The following RBFOX1 variants were observed in gnomAD, a reference collection of about 807,000 sequenced individuals.
RBFOX1 encodes the protein RNA binding fox-1 homolog 1.
Under a neutral mutation model 57.7 loss-of-function variants are expected in RBFOX1, and 8 were observed. The ratio of observed to expected loss-of-function variants is 0.14; its 90% CI spans 0.08 to 0.25. RBFOX1 has a LOEUF of 0.25. Among genes scored for constraint, RBFOX1 ranks in the 10% least tolerant of loss-of-function variants. RBFOX1 has a pLI of 1.00. For synonymous variants in RBFOX1, 326 were observed against 222.4 expected, an observed-to-expected ratio of 1.47 and a Z score of -4.15; for missense variants, 611 against 548.5, an observed-to-expected ratio of 1.11 and a Z score of -1.14.
At chr16:5,737,888 A>G (rs1264621181) in intron 3 of RBFOX1, among the ~76,000 whole-genome samples, 4 of 152,002 alleles carry the variant, frequency 2.6e-5, no homozygotes, top group African/African-American at 9.7e-5. Flanking sequence ...TTAAGTTCTG[A>G]GACACATGTG....
chr16:5,915,106 A>G (rs1162102377), intron 4 of RBFOX1, among the ~76,000 whole-genome samples: 1 of 152,142 alleles, frequency 6.6e-6, no homozygotes, highest in Non-Finnish European at 1.5e-5. Context: ...ACCACTGTGG[A>G]TATTTTAGAG....
At chr16:7,035,477 CT>C (rs1374627122) in intron 3 of RBFOX1, among the ~76,000 whole-genome samples, 3 of 152,198 alleles carry the variant, frequency 2.0e-5, no homozygotes, top group African/African-American at 7.2e-5. Flanking sequence ...AAGACTTCCC[CT>C]GGGATTATTT....
chr16:6,616,866 C>T (rs2098149762), intron 2 of RBFOX1, among the ~76,000 whole-genome samples: 1 of 152,186 alleles, frequency 6.6e-6, no homozygotes, highest in Non-Finnish European at 1.5e-5. Flanking sequence ...CCACCTCTAG[C>T]CTCTGTCTGT....
At chr16:6,191,292 C>A (rs2097140261) in intron 1 of RBFOX1, among the ~76,000 whole-genome samples, 1 of 151,952 alleles carries the variant, frequency 6.6e-6, no homozygotes, top group East Asian at 1.9e-4. Context: ...TGTCATAGTG[C>A]CTGTGATTAT....
chr16:6,911,263 G>C (rs1052435899), intron 3 of RBFOX1, among the ~76,000 whole-genome samples: 1 of 151,502 alleles, frequency 6.6e-6, no homozygotes, highest in African/African-American at 2.4e-5. Flanking sequence ...AGTTTCCCAG[G>C]ACTGCTATAA....
chr16:6,757,447 G>A (rs1191894021), intron 3 of RBFOX1, among the ~76,000 whole-genome samples: 4 of 152,148 alleles, frequency 2.6e-5, no homozygotes, highest in African/African-American at 7.2e-5. Flanking sequence ...ATGCACAACA[G>A]AATACTATTC....
chr16:6,456,520 G>C (rs1048857873), intron 2 of RBFOX1, among the ~76,000 whole-genome samples: 2 of 152,192 alleles, frequency 1.3e-5, no homozygotes, highest in Non-Finnish European at 2.9e-5. Flanking sequence ...TTAGGGCCCT[G>C]TTAAGGCAAG....
At chr16:6,794,656 C>T (rs1214077061) in intron 3 of RBFOX1, among the ~76,000 whole-genome samples, 2 of 152,128 alleles carry the variant, frequency 1.3e-5, no homozygotes, top group East Asian at 1.9e-4. Context: ...GAAACCAAAC[C>T]CTTCCCCCCA....
At chr16:6,989,668 C>G in intron 3 of RBFOX1, among the ~76,000 whole-genome samples, 1 of 152,128 alleles carries the variant, frequency 6.6e-6, no homozygotes, top group Non-Finnish European at 1.5e-5. Context: ...ACAGAAGCTA[C>G]TTGGAACAGA....
chr16:5,676,283 C>A (rs1006800322), intron 3 of RBFOX1, among the ~76,000 whole-genome samples: 1 of 151,902 alleles, frequency 6.6e-6, no homozygotes, highest in Non-Finnish European at 1.5e-5. Flanking sequence ...AACATCACAC[C>A]TTTTTACCCA....
intron 3 of RBFOX1, among the ~76,000 whole-genome samples, chr16:5,720,456 A>G (rs1369627611): frequency 6.6e-6 from 1 of 152,188 alleles, no homozygotes. Flanking sequence ...ATCGCAATGA[A>G]CCTATTTTTT....
intron 4 of RBFOX1, among the ~76,000 whole-genome samples, chr16:7,465,428 G>A (rs937800799): frequency 2.6e-5 from 4 of 152,186 alleles, no homozygotes; most frequent in African/African-American, 7.2e-5. Context: ...AGTGAAATAG[G>A]TGTTTGTGGA....
intron 3 of RBFOX1, chr16:6,775,672 A>T (rs1429849980): frequency 6.6e-6 from 1 of 152,198 alleles, no homozygotes; most frequent in Non-Finnish European, 1.5e-5. Flanking sequence ...AGCTTCGGTC[A>T]AACATCCCTT....
At chr16:6,628,039 C>G (rs1456362874) in intron 2 of RBFOX1, among the ~76,000 whole-genome samples, 3 of 152,200 alleles carry the variant, frequency 2.0e-5, no homozygotes, top group Admixed American at 6.5e-5. Flanking sequence ...AAGGACATCT[C>G]TGGGTCACTG....
intron 2 of RBFOX1, among the ~76,000 whole-genome samples, chr16:5,485,389 C>T (rs1334100766): frequency 1.4e-5 from 2 of 138,510 alleles, no homozygotes; most frequent in Non-Finnish European, 3.1e-5. Flanking sequence ...TCAGCTATTA[C>T]TCAACGGAAT....
intron 4 of RBFOX1, among the ~76,000 whole-genome samples, chr16:5,907,653 G>A (rs12448194): frequency 6.6e-6 from 1 of 152,018 alleles, no homozygotes; most frequent in Non-Finnish European, 1.5e-5. Context: ...GACGATGCAT[G>A]TGGGGAAGTT....
chr16:7,287,788 T>C (rs963013967), intron 4 of RBFOX1, among the ~76,000 whole-genome samples: 3 of 152,194 alleles, frequency 2.0e-5, no homozygotes, highest in African/African-American at 7.2e-5. Flanking sequence ...GAACACAAAT[T>C]AGTTTATGAT....
At chr16:7,479,152 C>A (rs530772221) in intron 4 of RBFOX1, among the ~76,000 whole-genome samples, 3 of 149,648 alleles carry the variant, frequency 2.0e-5, no homozygotes, top group African/African-American at 7.4e-5. Context: ...GGGACAGGGT[C>A]TCGGTCTGTT....
intron 2 of RBFOX1, among the ~76,000 whole-genome samples, chr16:6,650,969 C>T (rs1333431612): frequency 6.6e-6 from 1 of 152,160 alleles, no homozygotes; most frequent in African/African-American, 2.4e-5. Flanking sequence ...ATGGCATGAT[C>T]CCGGCTTACT....
Sources: allele counts gnomAD v4.1 joint callset (sites outside exome capture counted in the v4.1 genomes callset), GRCh38; gene constraint gnomAD v4.1.1; transcripts MANE v1.5; gene names NCBI Gene and HGNC (gene_info 2026-07-23, HGNC 2026-07-21).